The following MBP variants were observed in gnomAD, a reference collection of about 807,000 sequenced individuals.
MBP encodes the protein Golli-MBP.
In MBP, 16 loss-of-function variants were observed where a neutral mutation model predicts 35.8. That is an observed-to-expected ratio of 0.45 (90% CI 0.30 to 0.68). The LOEUF is 0.68. Among genes scored for constraint, MBP ranks in the 30% least tolerant of loss-of-function variants. The pLI is 0.08. For missense variants in MBP, 380 were observed against 404.7 expected, an observed-to-expected ratio of 0.94 and a Z score of 0.52; for synonymous variants, 143 against 159.6, an observed-to-expected ratio of 0.90 and a Z score of 0.78.
At chr18:77,028,786 T>C (rs1229287162) in intron 3 of MBP, among the ~76,000 whole-genome samples, 80 of 87,552 alleles carry the variant, frequency 9.1e-4, no homozygotes, top group Middle Eastern at 7.7e-3. Context: ...GGGTGGCTGC[T>C]GGGCGGAGGG....
At position 77,066,404 on chromosome 18, in the gene MBP, A is replaced by G. The variant is rs112169599; in HGVS notation, c.52-19T>C. On this transcript the variant is annotated intron_variant, in intron 2 of 8. Transcript: ENST00000355994. ...CACTATTCTGGAAAAAGAAAACACA[A>G]CAAACCCTTTTCTTAAGATAAATTG... 979 of 1,432,630 alleles carry G rather than the reference A, an allele frequency of 6.8e-4. 5 individuals carry two copies. The African/African-American group carries it at 0.012, about 17-fold the overall frequency. The allele number at this position is 1,432,630 out of a possible 1,614,324, so 88.7% of individuals were successfully genotyped here.
chr18:77,014,186 C>T (rs1407743707), intron 4 of MBP: 2 of 985,326 alleles, frequency 2.0e-6, no homozygotes, highest in Non-Finnish European at 2.4e-6. Context: ...TTTTAATGCA[C>T]TTTTCTTGAA....
intron 2 of MBP, among the ~76,000 whole-genome samples, chr18:77,086,026 CAG>C (rs138444810): frequency 2.6e-5 from 4 of 151,116 alleles, no homozygotes; most frequent in African/African-American, 4.9e-5. Context: ...GACAGACAAA[CAG>C]AGAGAGAGAG....
chr18:77,058,209 C>G (rs970904624), intron 3 of MBP, among the ~76,000 whole-genome samples: 27 of 152,292 alleles, frequency 1.8e-4, no homozygotes, highest in African/African-American at 5.8e-4. Context: ...CCTCCCCAGC[C>G]CTGGACGTCC....
chr18:77,015,468 T>C (rs1971574942), intron 4 of MBP: 3 of 985,458 alleles, frequency 3.0e-6, no homozygotes, highest in Non-Finnish European at 3.6e-6. Context: ...AACACCAACA[T>C]TTCAGGGTGA....
chr18:77,020,479 G>T lies in MBP; in HGVS notation c.140-3211C>A, dbSNP rs1027320625. Among the ~76,000 whole-genome samples the T allele has an allele frequency of 2.6e-5, 4 of 152,158 alleles. No homozygotes were observed. Among genetic ancestry groups the T allele is most frequent in the African/African-American group, 9.7e-5 (4 of 41,434 alleles). On this transcript the variant is annotated intron_variant, in intron 3 of 8. Coordinates refer to ENST00000355994, the MANE Select transcript of MBP (RefSeq NM_001025101.2). This position sits in a 1 kb window ranked among gnomAD's most constrained non-coding sequence, Gnocchi z 4.1. ...GGAGAGCTCCCGGGACTTAGGATATGGTCCTGTCACTGCTATGACTCATTG... is the reference window on the plus strand; with the variant it reads ...GGAGAGCTCCCGGGACTTAGGATATTGTCCTGTCACTGCTATGACTCATTG...
chr18:76,986,962 A>T (rs1360239637), intron 7 of MBP: 1 of 985,360 alleles, frequency 1.0e-6, no homozygotes, highest in Non-Finnish European at 1.2e-6. Flanking sequence ...GGAACTCCAG[A>T]CAAGGAGAGA....
At chr18:77,024,173 G>A (rs917606026) in intron 3 of MBP, among the ~76,000 whole-genome samples, 4 of 152,210 alleles carry the variant, frequency 2.6e-5, no homozygotes, top group African/African-American at 9.6e-5. Context: ...CCCACAGGCC[G>A]CATGCAGCCC....
At chr18:77,029,428 G>A (rs1484411691) in intron 3 of MBP, among the ~76,000 whole-genome samples, 1 of 122,282 alleles carries the variant, frequency 8.2e-6, no homozygotes. Flanking sequence ...AGACCGTGGG[G>A]AGAGGGAGAG....
intron 7 of MBP, chr18:76,985,163 A>G (rs185202783): frequency 4.0e-6 from 6 of 1,513,620 alleles, no homozygotes; most frequent in East Asian, 2.7e-5. Context: ...CCAACCACAC[A>G]TATTTTAAGG....
chr18:77,041,313 CT>C (rs1308907819), intron 3 of MBP, among the ~76,000 whole-genome samples: 3 of 152,142 alleles, frequency 2.0e-5, no homozygotes, highest in Non-Finnish European at 4.4e-5. Flanking sequence ...AATAGGAACA[CT>C]TTTACACTGT....
At chr18:77,046,776 C>A (rs558026705) in intron 3 of MBP, among the ~76,000 whole-genome samples, 1 of 152,310 alleles carries the variant, frequency 6.6e-6, no homozygotes, top group African/African-American at 2.4e-5. Context: ...TCCAGATCAG[C>A]GGGAGAGGGC....
Position 77,009,862 on chromosome 18 carries a change from C to G in MBP, c.576+6970G>C, listed in dbSNP as rs550581074. The G allele has an allele frequency of 1.4e-5, 23 of 1,590,484 alleles. No individual in the cohort carries two copies. The African/African-American group carries it at 2.7e-4, about 19-fold the overall frequency. ...CCGGCGTCTTACCTTGTACATGTTG[C>G]ACAGCCCAGGCTGGCTGCGGGCATG... is the stretch of plus-strand genomic sequence containing the variant. On this transcript the variant is annotated intron_variant, in intron 4 of 8. Coordinates refer to ENST00000355994, the MANE Select transcript of MBP (RefSeq NM_001025101.2).
chr18:77,078,194 C>T (rs1431986456), intron 2 of MBP, among the ~76,000 whole-genome samples: 2 of 152,208 alleles, frequency 1.3e-5, no homozygotes, highest in African/African-American at 4.8e-5. Flanking sequence ...TCAGGAGATG[C>T]GCTCATGCTG....
intron 2 of MBP, among the ~76,000 whole-genome samples, chr18:77,083,798 C>G (rs1186491396): frequency 6.6e-6 from 1 of 152,134 alleles, no homozygotes; most frequent in South Asian, 2.1e-4. Flanking sequence ...TCTGAAAGAG[C>G]GAACCCTACA....
At chr18:77,022,186 T>G (rs1350901004) in intron 3 of MBP, among the ~76,000 whole-genome samples, 1 of 152,158 alleles carries the variant, frequency 6.6e-6, no homozygotes. Context: ...CAGGTTAACC[T>G]GCTCTCACAT....
chr18:77,117,348 TTC>T (rs1320155036), intron 1 of MBP, among the ~76,000 whole-genome samples: 2 of 152,236 alleles, frequency 1.3e-5, no homozygotes, highest in Non-Finnish European at 2.9e-5. Flanking sequence ...ACTTGAACTT[TTC>T]GAGTGTTTTC....
In MBP at chr18:77,029,334, G is replaced by A. The variant is rs368966353; in HGVS notation, c.140-12066C>T. 7.6e-3 allele frequency among the ~76,000 whole-genome samples: 1,124 copies of A among 148,344 alleles called. 8 individuals carry two copies. Among genetic ancestry groups the A allele is most frequent in the African/African-American group, 0.024 (963 of 40,220 alleles). ...GCTGAGGCAGGAGAATCAGGCAGGGGGGTTGCAGTGAGCCGAGATGGCAGC... is the reference window on the plus strand; with the variant it reads ...GCTGAGGCAGGAGAATCAGGCAGGGAGGTTGCAGTGAGCCGAGATGGCAGC... On this transcript the variant is annotated intron_variant, in intron 3 of 8. Coordinates refer to ENST00000355994, the MANE Select transcript of MBP (RefSeq NM_001025101.2).
In MBP at chr18:77,123,566, C is replaced by T. The variant is rs192088669; in HGVS notation, c.-26+9014G>A. On this transcript the variant is annotated intron_variant, in intron 1 of 8. Coordinates refer to ENST00000355994, the MANE Select transcript of MBP (RefSeq NM_001025101.2). ...TTACAGCAGCAATCCTAAGTTAACCCGGAGCTCATTAAAATACATATTCCT... is the reference window on the plus strand; with the variant it reads ...TTACAGCAGCAATCCTAAGTTAACCTGGAGCTCATTAAAATACATATTCCT... 1.3e-3 allele frequency among the ~76,000 whole-genome samples: 204 copies of T among 152,278 alleles called. 2 individuals are homozygous for T. The highest frequency in any genetic ancestry group is 2.3e-3 in the Non-Finnish European group (156 of 68,028).
Sources: allele counts gnomAD v4.1 joint callset (sites outside exome capture counted in the v4.1 genomes callset), GRCh38; gene constraint gnomAD v4.1.1; non-coding constraint Gnocchi (gnomAD v3.1); transcripts MANE v1.5; gene names NCBI Gene and HGNC (gene_info 2026-07-23, HGNC 2026-07-21).